MREG: variants seen among roughly 807,000 people sequenced by gnomAD.
MREG encodes the protein melanoregulin.
A neutral mutation model predicts 28.5 loss-of-function variants in MREG; 31 were observed. The ratio of observed to expected loss-of-function variants is 1.09; its 90% CI spans 0.82 to 1.47. The LOEUF (loss-of-function observed/expected upper bound fraction) is 1.47, where lower values mean the gene tolerates loss of function less well. Ranked by LOEUF, MREG falls within the 40% of genes most tolerant of loss-of-function variation. MREG has a pLI of 0.00. For synonymous variants in MREG, 106 were observed against 95.2 expected, an observed-to-expected ratio of 1.11 and a Z score of -0.66; for missense variants, 256 against 257.4, an observed-to-expected ratio of 0.99 and a Z score of 0.04.
At chr2:216,021,982 A>G (rs748187787) in intron 1 of MREG, among the ~76,000 whole-genome samples, 1 of 152,122 alleles carries the variant, frequency 6.6e-6, no homozygotes, top group African/African-American at 2.4e-5. Flanking sequence ...TCAGGCCTAT[A>G]CTCCCAACAC....
At chr2:215,965,517 A>G (rs1416483553) in intron 2 of MREG, among the ~76,000 whole-genome samples, 1 of 152,196 alleles carries the variant, frequency 6.6e-6, no homozygotes, top group Non-Finnish European at 1.5e-5. Flanking sequence ...GAAAGTTAAA[A>G]TGTGCTTTTT....
intron 2 of MREG, among the ~76,000 whole-genome samples, chr2:215,986,409 G>T (rs569639673): frequency 5.8e-4 from 88 of 152,272 alleles, no homozygotes; most frequent in African/African-American, 2.0e-3. Context: ...AGTTTCCAAT[G>T]CCATTCAATA....
chr2:216,008,628 C>T (rs964485311), intron 1 of MREG, among the ~76,000 whole-genome samples: 2 of 152,202 alleles, frequency 1.3e-5, no homozygotes, highest in Admixed American at 1.3e-4. Flanking sequence ...TATTTTTCTA[C>T]AGTGCCTGAA....
At chr2:216,021,079 C>G (rs1473547442) in intron 1 of MREG, among the ~76,000 whole-genome samples, 1 of 152,200 alleles carries the variant, frequency 6.6e-6, no homozygotes, top group African/African-American at 2.4e-5. Context: ...TTCTTGGACC[C>G]TATTTGACAT....
At chr2:215,953,473 A>G (rs1416745359) in intron 2 of MREG, among the ~76,000 whole-genome samples, 4 of 152,234 alleles carry the variant, frequency 2.6e-5, no homozygotes, top group Non-Finnish European at 5.9e-5. Context: ...CGATGGGCAC[A>G]TTACCCAACT....
chr2:215,968,104 G>A (rs1692994900), intron 2 of MREG, among the ~76,000 whole-genome samples: 1 of 152,176 alleles, frequency 6.6e-6, no homozygotes, highest in Non-Finnish European at 1.5e-5. Flanking sequence ...CATGTCTCCA[G>A]AAGGAGGTAT....
chr2:215,962,637 C>T (rs72946763), intron 2 of MREG, among the ~76,000 whole-genome samples: 3,225 of 152,282 alleles, frequency 0.021, 53 homozygotes, highest in Non-Finnish European at 0.029. Context: ...AAGGCCACTT[C>T]TTCAAAGTCG....
chr2:216,016,449 G>A (rs1331549149), upstream of MREG, among the ~76,000 whole-genome samples: 2 of 152,218 alleles, frequency 1.3e-5, no homozygotes, highest in East Asian at 1.9e-4. Context: ...ATTTGAGTTG[G>A]ATTTGCTGAG....
chr2:215,958,198 T>C (rs1250169414), intron 2 of MREG, among the ~76,000 whole-genome samples: 1 of 151,660 alleles, frequency 6.6e-6, no homozygotes, highest in Non-Finnish European at 1.5e-5. Flanking sequence ...ATGGCACATG[T>C]ATACATATGT....
Sources: allele counts gnomAD v4.1 joint callset (sites outside exome capture counted in the v4.1 genomes callset), GRCh38; gene constraint gnomAD v4.1.1; transcripts MANE v1.5; gene names NCBI Gene and HGNC (gene_info 2026-07-23, HGNC 2026-07-21).